Variants in TSHZ3 observed in about 807,000 individuals in gnomAD.
TSHZ3 encodes teashirt homolog 3.
TSHZ3 carries 10 observed loss-of-function variants against 64.5 expected under a neutral mutation model. The observed-to-expected ratio is 0.16, with a 90% CI of 0.10 to 0.26. The LOEUF (loss-of-function observed/expected upper bound fraction) is 0.26, where lower values mean the gene tolerates loss of function less well. TSHZ3 is among the 10% of genes least tolerant of loss of function. The pLI is 1.00. For missense variants in TSHZ3, 1,242 were observed against 1,421.7 expected (o/e 0.87, Z 2.03); for synonymous variants, 608 against 593.1 (o/e 1.03, Z -0.36).
chr19:31,199,275 G>C (rs548884224), intron 5 of TSHZ3, among the ~76,000 whole-genome samples: 1 of 151,480 alleles, frequency 6.6e-6, no homozygotes, highest in African/African-American at 2.4e-5. Context: ...ATCGTGGCGG[G>C]CGCCTGTAGT....
At chr19:31,238,226 C>T (rs1440296343) in intron 3 of TSHZ3, among the ~76,000 whole-genome samples, 1 of 148,554 alleles carries the variant, frequency 6.7e-6, no homozygotes, top group Non-Finnish European at 1.5e-5. Context: ...CCATTTTTCC[C>T]TTTATTTCTG....
At chr19:31,307,494 A>T (rs1288446915) in intron 1 of TSHZ3, among the ~76,000 whole-genome samples, 1 of 151,894 alleles carries the variant, frequency 6.6e-6, no homozygotes, top group East Asian at 1.9e-4. Flanking sequence ...CCTGAGCAGC[A>T]CGCGGCACGG....
chr19:31,151,165 C>T (rs1171622920), exon 7 of TSHZ3, among the ~76,000 whole-genome samples: 1 of 152,124 alleles, frequency 6.6e-6, no homozygotes, highest in African/African-American at 2.4e-5. Flanking sequence ...GGCAGGCGGA[C>T]AGGGCCTGCT....
Position 31,279,574 on chromosome 19 carries a change from G to A in TSHZ3, c.219C>T (p.Asp73=). The A allele has an allele frequency of 1.2e-6, 2 of 1,611,526 alleles. No homozygotes were observed. The highest frequency in any genetic ancestry group is 1.7e-6 in the Non-Finnish European group (2 of 1,178,334). ...PAAEFSCHEM[D]SESHISETSD... ...TGGTCTCACTGATGTGTGACTCGCTGTCCATTTCATGGCAGGAAAACTCGG... is the reference window on the plus strand; with the variant it reads ...TGGTCTCACTGATGTGTGACTCGCTATCCATTTCATGGCAGGAAAACTCGG... The change falls in exon 2 of 2, where the codon GAC becomes GAT. Residue 73 remains aspartate (D), a synonymous_variant. Coordinates refer to ENST00000240587, the MANE Select transcript of TSHZ3 (RefSeq NM_020856.4). The surrounding 1 kb of genome is among the most constrained non-coding windows in gnomAD (Gnocchi z 6.4).
At chr19:31,334,505 G>T (rs1422278356) in intron 1 of TSHZ3, among the ~76,000 whole-genome samples, 1 of 152,196 alleles carries the variant, frequency 6.6e-6, no homozygotes, top group Non-Finnish European at 1.5e-5. Flanking sequence ...CCTACAGGGA[G>T]TCACACTGGT....
chr19:31,300,640 A>T (rs1300444959), intron 1 of TSHZ3, among the ~76,000 whole-genome samples: 1 of 152,160 alleles, frequency 6.6e-6, no homozygotes, highest in Admixed American at 6.5e-5. Flanking sequence ...CACAGCGTGC[A>T]TGGAGCTGAC....
chr19:31,232,603 A>G (rs926662935), intron 3 of TSHZ3, among the ~76,000 whole-genome samples: 72 of 152,238 alleles, frequency 4.7e-4, no homozygotes, highest in African/African-American at 1.5e-3. Context: ...TGTACAGGTC[A>G]ATGGCATTTG....
rs1288935423 is a variant in TSHZ3 at position 31,277,384 on chromosome 19, C to T, written c.2409G>A (p.Leu803=). ...TKGKSDKGCS[L]GSVLLSPTST... is the part of the protein sequence containing the mutation. Reference sequence around the variant, plus strand: ...ACGTGGGTGACAGAAGCACTGAACCCAAGGAGCAGCCTTTGTCACTCTTCC... The same window carrying T: ...ACGTGGGTGACAGAAGCACTGAACCTAAGGAGCAGCCTTTGTCACTCTTCC... Residue 803 remains leucine (L), a synonymous_variant, in exon 2 of 2, where the codon TTG becomes TTA. Transcript: ENST00000240587. This position sits in a 1 kb window ranked among gnomAD's most constrained non-coding sequence, Gnocchi z 4.5. 6.2e-7 allele frequency: 1 copy of T among 1,614,160 alleles called. No individual in the cohort carries two copies. Among genetic ancestry groups the T allele is most frequent in the Non-Finnish European group, 8.5e-7 (1 of 1,180,036 alleles).
At chr19:31,270,601 C>T (rs1440493809), downstream of TSHZ3, among the ~76,000 whole-genome samples, 1 of 152,224 alleles carries the variant, frequency 6.6e-6, no homozygotes, top group African/African-American at 2.4e-5. Flanking sequence ...GGGCTTGGGC[C>T]ACTGTACCTG....
chr19:31,323,066 G>A (rs1311527338), intron 1 of TSHZ3, among the ~76,000 whole-genome samples: 1 of 152,136 alleles, frequency 6.6e-6, no homozygotes, highest in East Asian at 1.9e-4. Flanking sequence ...TATTGTATTT[G>A]GCAACCTGCT....
chr19:31,252,185 G>A (rs1272237151), intron 1 of TSHZ3, among the ~76,000 whole-genome samples: 1 of 152,182 alleles, frequency 6.6e-6, no homozygotes, highest in East Asian at 1.9e-4. Flanking sequence ...CAGAAATCAA[G>A]GTGTCTACAG....
chr19:31,330,093 T>G (rs1917036039), intron 1 of TSHZ3, among the ~76,000 whole-genome samples: 1 of 152,092 alleles, frequency 6.6e-6, no homozygotes, highest in Non-Finnish European at 1.5e-5. Context: ...GTTCCTACTT[T>G]ATTTCCTTTC....
intron 3 of TSHZ3, among the ~76,000 whole-genome samples, chr19:31,232,593 T>C (rs1467268659): frequency 6.6e-6 from 1 of 152,216 alleles, no homozygotes; most frequent in Non-Finnish European, 1.5e-5. Context: ...ACATTTTAAA[T>C]GTACAGGTCA....
intron 1 of TSHZ3, among the ~76,000 whole-genome samples, chr19:31,347,894 G>A (rs1328703249): frequency 1.3e-5 from 2 of 152,204 alleles, no homozygotes; most frequent in African/African-American, 2.4e-5. Flanking sequence ...CGGCTGGCAT[G>A]ATGGAAATTA....
chr19:31,178,597 T>C (rs1974649449), intron 5 of TSHZ3, among the ~76,000 whole-genome samples: 1 of 152,146 alleles, frequency 6.6e-6, no homozygotes, highest in Non-Finnish European at 1.5e-5. Flanking sequence ...GAGAATCACT[T>C]GAAACCGGGA....
intron 3 of TSHZ3, among the ~76,000 whole-genome samples, chr19:31,237,452 T>C (rs1233949223): frequency 2.0e-5 from 3 of 152,128 alleles, no homozygotes; most frequent in Non-Finnish European, 2.9e-5. Context: ...TGTATTAATA[T>C]CCCCACTTGC....
At chr19:31,350,738 G>A (rs1287785944), upstream of TSHZ3, among the ~76,000 whole-genome samples, 1 of 150,204 alleles carries the variant, frequency 6.7e-6, no homozygotes, top group African/African-American at 2.4e-5. Context: ...GTGAGGGCGC[G>A]GGTGGGCCGG....
downstream of TSHZ3, among the ~76,000 whole-genome samples, chr19:31,272,806 A>G (rs1402304961): frequency 3.3e-5 from 5 of 152,178 alleles, no homozygotes; most frequent in Admixed American, 3.3e-4. Context: ...CGGAAGATAT[A>G]CAGTAGGACT....
intron 1 of TSHZ3, among the ~76,000 whole-genome samples, chr19:31,294,476 C>T (rs1447324084): frequency 1.3e-5 from 2 of 152,096 alleles, no homozygotes; most frequent in Admixed American, 1.3e-4. Context: ...CAGTATTGAC[C>T]CAGCTCTCAG....
Sources: allele counts gnomAD v4.1 joint callset (sites outside exome capture counted in the v4.1 genomes callset), GRCh38; gene constraint gnomAD v4.1.1; non-coding constraint Gnocchi (gnomAD v3.1); transcripts MANE v1.5; gene names NCBI Gene and HGNC (gene_info 2026-07-23, HGNC 2026-07-21).